Variants in DCC observed in about 807,000 individuals in gnomAD.
DCC encodes the protein DCC netrin 1 receptor, also known as netrin receptor DCC.
DCC carries 58 observed loss-of-function variants against 172.5 expected under a neutral mutation model. That is an observed-to-expected ratio of 0.34 (90% CI 0.27 to 0.42). The LOEUF (loss-of-function observed/expected upper bound fraction) is 0.42. DCC is among the 10% of genes least tolerant of loss of function. DCC has a pLI of 1.00. For missense variants in DCC, 1,740 were observed against 1,791.0 expected, an observed-to-expected ratio of 0.97 and a Z score of 0.51; for synonymous variants, 709 against 644.5, an observed-to-expected ratio of 1.10 and a Z score of -1.52.
At chr18:53,090,002 G>A (rs923195878) in intron 7 of DCC, among the ~76,000 whole-genome samples, 1 of 151,942 alleles carries the variant, frequency 6.6e-6, no homozygotes, top group Non-Finnish European at 1.5e-5. Context: ...GAGAATCTTT[G>A]GCTCTACTTT....
At chr18:53,071,908 C>G (rs1187523826) in intron 7 of DCC, among the ~76,000 whole-genome samples, 1 of 152,120 alleles carries the variant, frequency 6.6e-6, no homozygotes, top group East Asian at 1.9e-4. Context: ...GTGGGCAGAT[C>G]ACCTGAGGTC....
intron 2 of DCC, among the ~76,000 whole-genome samples, chr18:52,835,921 T>C (rs1257658107): frequency 6.6e-6 from 1 of 152,242 alleles, no homozygotes; most frequent in Admixed American, 6.5e-5. Context: ...TCCATTCTTA[T>C]GCTGCTATGG....
At chr18:52,562,748 G>A (rs754325156) in intron 1 of DCC, among the ~76,000 whole-genome samples, 9 of 151,952 alleles carry the variant, frequency 5.9e-5, no homozygotes, top group Non-Finnish European at 1.3e-4. Flanking sequence ...GAACATATTA[G>A]AGCACATAAA....
At chr18:53,312,340 CAA>C (rs1218591102) in intron 13 of DCC, among the ~76,000 whole-genome samples, 9 of 17,534 alleles carry the variant, frequency 5.1e-4, no homozygotes, top group African/African-American at 1.2e-3. Flanking sequence ...GACTCTGTCT[CAA>C]AAAAAAAAAA....
intron 13 of DCC, among the ~76,000 whole-genome samples, chr18:53,318,614 C>T (rs1347567812): frequency 2.6e-5 from 4 of 152,070 alleles, no homozygotes; most frequent in Admixed American, 6.6e-5. Context: ...GAGTGGGAGT[C>T]GAAGTCTCTT....
chr18:52,997,276 TC>T (rs2041497062), intron 5 of DCC, among the ~76,000 whole-genome samples: 1 of 152,106 alleles, frequency 6.6e-6, no homozygotes, highest in Non-Finnish European at 1.5e-5. Flanking sequence ...CCCTTCATAT[TC>T]TACTTAGAAT....
chr18:52,903,510 T>C (rs1430457058), intron 2 of DCC, among the ~76,000 whole-genome samples: 1 of 152,232 alleles, frequency 6.6e-6, no homozygotes, highest in Non-Finnish European at 1.5e-5. Flanking sequence ...GATAAATGGT[T>C]TAAATGCTTT....
intron 9 of DCC, among the ~76,000 whole-genome samples, chr18:53,190,989 G>A (rs1356872040): frequency 6.6e-6 from 1 of 152,062 alleles, no homozygotes; most frequent in Non-Finnish European, 1.5e-5. Flanking sequence ...GCTTTGGTGA[G>A]ATTAAGCCAG....
intron 9 of DCC, among the ~76,000 whole-genome samples, chr18:53,197,419 G>GTTTTTTTT (rs11427253): frequency 4.2e-5 from 5 of 119,522 alleles, no homozygotes; most frequent in Admixed American, 2.7e-4. Flanking sequence ...TTTTATTTTA[G>GTTTTTTTT]TTTTTTTTTT....
chr18:53,403,649 T>C (rs1468243898), intron 19 of DCC, among the ~76,000 whole-genome samples: 1 of 152,192 alleles, frequency 6.6e-6, no homozygotes, highest in Non-Finnish European at 1.5e-5. Context: ...GTGAACATTA[T>C]AGTCTAATTA....
chr18:52,787,145 C>A (rs767349094), intron 2 of DCC, among the ~76,000 whole-genome samples: 2 of 152,102 alleles, frequency 1.3e-5, no homozygotes, highest in Non-Finnish European at 2.9e-5. Context: ...AGAAATACTT[C>A]AAGCAAAATA....
chr18:52,707,878 C>T (rs1036467234), intron 1 of DCC, among the ~76,000 whole-genome samples: 3 of 152,038 alleles, frequency 2.0e-5, no homozygotes, highest in Admixed American at 1.3e-4. Flanking sequence ...ATTTGGGAGA[C>T]ATTGGTTAAA....
chr18:52,840,012 C>A (rs1265382513), intron 2 of DCC, among the ~76,000 whole-genome samples: 1 of 152,178 alleles, frequency 6.6e-6, no homozygotes, highest in Non-Finnish European at 1.5e-5. Context: ...GAATCACCTG[C>A]CCTATACGCA....
chr18:53,155,566 C>T (rs2054717859), intron 7 of DCC, among the ~76,000 whole-genome samples: 1 of 152,172 alleles, frequency 6.6e-6, no homozygotes, highest in Admixed American at 6.5e-5. Context: ...ATTATTAATT[C>T]CCCCAATTTG....
intron 12 of DCC, among the ~76,000 whole-genome samples, chr18:53,268,879 A>G (rs531532852): frequency 1.3e-5 from 2 of 152,196 alleles, no homozygotes; most frequent in Non-Finnish European, 2.9e-5. Context: ...GGATGAGTGG[A>G]CAAGGAACTA....
At chr18:52,497,299 A>ATATGTG (rs2030819838) in intron 1 of DCC, among the ~76,000 whole-genome samples, 4 of 98,666 alleles carry the variant, frequency 4.1e-5, no homozygotes, top group African/African-American at 7.1e-5. Context: ...ATATATATAT[A>ATATGTG]TATATATATA....
intron 1 of DCC, among the ~76,000 whole-genome samples, chr18:52,534,401 A>G (rs1294685995): frequency 6.6e-6 from 1 of 152,164 alleles, no homozygotes; most frequent in Non-Finnish European, 1.5e-5. Flanking sequence ...ATTTCCCTAC[A>G]GACCCCAACA....
intron 7 of DCC, among the ~76,000 whole-genome samples, chr18:53,120,272 C>T (rs1439760724): frequency 6.6e-6 from 1 of 151,670 alleles, no homozygotes; most frequent in Non-Finnish European, 1.5e-5. Context: ...TATTCATTTG[C>T]TTCAATTAGT....
chr18:52,886,999 A>C (rs57778217), intron 2 of DCC, among the ~76,000 whole-genome samples: 7,579 of 152,246 alleles, frequency 0.05, 257 homozygotes, highest in South Asian at 0.14. Flanking sequence ...GACTGCTTCA[A>C]GATGATAGCA....
Sources: allele counts gnomAD v4.1 joint callset (sites outside exome capture counted in the v4.1 genomes callset), GRCh38; gene constraint gnomAD v4.1.1; transcripts MANE v1.5; gene names NCBI Gene and HGNC (gene_info 2026-07-23, HGNC 2026-07-21).